The following GALNT18 variants were observed in gnomAD, a reference collection of about 807,000 sequenced individuals.
GALNT18 encodes the protein polypeptide N-acetylgalactosaminyltransferase 18, also known as GalNAc-transferase 18.
GALNT18 carries 44 observed loss-of-function variants against 69.5 expected under a neutral mutation model. That is an observed-to-expected ratio of 0.63 (90% CI 0.50 to 0.81). The LOEUF (loss-of-function observed/expected upper bound fraction) is 0.81. Ranked by LOEUF, GALNT18 falls within the 40% of genes least tolerant of loss-of-function variation. The pLI, the probability that GALNT18 is intolerant of heterozygous loss-of-function variation, is 0.00. For missense variants in GALNT18, 715 were observed against 810.0 expected (o/e 0.88, Z 1.42); for synonymous variants, 364 against 318.2 (o/e 1.14, Z -1.53).
intron 1 of GALNT18, among the ~76,000 whole-genome samples, chr11:11,556,335 C>T (rs1017943168): frequency 5.3e-5 from 8 of 152,138 alleles, no homozygotes; most frequent in South Asian, 2.1e-4. Flanking sequence ...TGCCCTATAC[C>T]GGGCAGCCGT....
At chr11:11,429,712 A>G (rs1453258694) in intron 3 of GALNT18, among the ~76,000 whole-genome samples, 1 of 152,222 alleles carries the variant, frequency 6.6e-6, no homozygotes, top group Non-Finnish European at 1.5e-5. Context: ...AGGGTTCCAG[A>G]ATCTATGACT....
chr11:11,321,362 G>A (rs1411346159), intron 9 of GALNT18, among the ~76,000 whole-genome samples: 1 of 152,194 alleles, frequency 6.6e-6, no homozygotes, highest in Non-Finnish European at 1.5e-5. Context: ...TGACTGTACA[G>A]TGTATACAAA....
At chr11:11,346,339 A>T (rs985946849) in intron 6 of GALNT18, among the ~76,000 whole-genome samples, 3 of 152,206 alleles carry the variant, frequency 2.0e-5, no homozygotes, top group Non-Finnish European at 4.4e-5. Flanking sequence ...GGAATCTGAG[A>T]GTCCTGGGCT....
At chr11:11,491,006 G>T (rs1244187234) in intron 1 of GALNT18, among the ~76,000 whole-genome samples, 1 of 152,204 alleles carries the variant, frequency 6.6e-6, no homozygotes, top group African/African-American at 2.4e-5. Flanking sequence ...CAGAGGCAGG[G>T]TGTGCACTGA....
intron 3 of GALNT18, among the ~76,000 whole-genome samples, chr11:11,390,191 C>G (rs1416462321): frequency 6.6e-6 from 1 of 152,144 alleles, no homozygotes; most frequent in African/African-American, 2.4e-5. Context: ...CTTACAAGGT[C>G]AAACATCCTG....
At chr11:11,391,978 G>C (rs1023584047) in intron 3 of GALNT18, among the ~76,000 whole-genome samples, 1 of 152,196 alleles carries the variant, frequency 6.6e-6, no homozygotes, top group Non-Finnish European at 1.5e-5. Context: ...AATATGCATT[G>C]CAAGAATGAA....
chr11:11,454,470 G>A lies in GALNT18; in HGVS notation c.236-5534C>T, dbSNP rs1855879271. ...ATATAGGGAGAAGGAAGATAAGGAG[G>A]GAGGCAGGGAGAGAAGGAGGCTGTG... is the stretch of plus-strand genomic sequence containing the variant. On this transcript the variant is annotated intron_variant, in intron 1 of 10. Transcript: ENST00000227756. This position sits in a 1 kb window ranked among gnomAD's most constrained non-coding sequence, Gnocchi z 4.2. Among the ~76,000 whole-genome samples, 1 of 152,006 alleles carries A rather than the reference G, an allele frequency of 6.6e-6. No homozygotes were observed.
At chr11:11,273,259 G>C (rs1383400195) in intron 10 of GALNT18, among the ~76,000 whole-genome samples, 1 of 151,350 alleles carries the variant, frequency 6.6e-6, no homozygotes, top group Non-Finnish European at 1.5e-5. Flanking sequence ...AAAGTAAAGA[G>C]ACAGCCCACA....
At chr11:11,394,356 G>C (rs144698210) in intron 3 of GALNT18, among the ~76,000 whole-genome samples, 30 of 152,288 alleles carry the variant, frequency 2.0e-4, no homozygotes, top group Non-Finnish European at 3.2e-4. Context: ...GCTGAGTGTA[G>C]GGATACAAAT....
intron 1 of GALNT18, among the ~76,000 whole-genome samples, chr11:11,594,323 T>TC (rs1381897189): frequency 6.6e-6 from 1 of 152,232 alleles, no homozygotes; most frequent in African/African-American, 2.4e-5. Flanking sequence ...TATACAACTT[T>TC]CATACCATAA....
At chr11:11,272,119 T>C (rs11021741) in intron 10 of GALNT18, among the ~76,000 whole-genome samples, 24,922 of 152,190 alleles carry the variant, frequency 0.16, 2,487 homozygotes, top group South Asian at 0.25. Context: ...ATTGGACCCC[T>C]TGTAGCTTAA....
chr11:11,559,727 A>G (rs1263261807), intron 1 of GALNT18, among the ~76,000 whole-genome samples: 1 of 151,746 alleles, frequency 6.6e-6, no homozygotes, highest in Non-Finnish European at 1.5e-5. Context: ...ATAGGATGGA[A>G]TGGAATGGGG....
rs1048568954 is a variant in GALNT18, at chr11:11,340,113, G to A, written c.1278+706C>T. 1.8e-4 allele frequency among the ~76,000 whole-genome samples: 27 copies of A among 152,194 alleles called. No individual in the cohort carries two copies. The highest frequency in any genetic ancestry group is 1.1e-3 in the Admixed American group (17 of 15,278). ...GTGGCTGGCATCTCTCAGTAGTAGAGCTGGGTTCTCTCAACTCAGTAGTCC... is the reference window on the plus strand; with the variant it reads ...GTGGCTGGCATCTCTCAGTAGTAGAACTGGGTTCTCTCAACTCAGTAGTCC... On this transcript the variant is annotated intron_variant, in intron 7 of 10. Transcript: ENST00000227756. The surrounding 1 kb of genome is among the most constrained non-coding windows in gnomAD (Gnocchi z 4.2).
At chr11:11,290,027 G>A (rs540689250) in intron 10 of GALNT18, among the ~76,000 whole-genome samples, 1 of 152,294 alleles carries the variant, frequency 6.6e-6, no homozygotes, top group South Asian at 2.1e-4. Context: ...CAAGTGCCTG[G>A]CTGGGCTGTG....
chr11:11,530,464 C>T (rs375713145), intron 1 of GALNT18, among the ~76,000 whole-genome samples: 3 of 152,206 alleles, frequency 2.0e-5, no homozygotes, highest in African/African-American at 7.2e-5. Flanking sequence ...GCTCAAAATG[C>T]CAGTGGGCAG....
At chr11:11,524,846 C>T (rs558054695) in intron 1 of GALNT18, among the ~76,000 whole-genome samples, 14 of 152,332 alleles carry the variant, frequency 9.2e-5, no homozygotes, top group East Asian at 7.7e-4. Context: ...TCTGCCTTCA[C>T]GACATTTGTC....
intron 1 of GALNT18, among the ~76,000 whole-genome samples, chr11:11,572,375 T>A (rs72853813): frequency 6.6e-6 from 1 of 152,218 alleles, no homozygotes; most frequent in African/African-American, 2.4e-5. Flanking sequence ...CAGCACCAGA[T>A]GAAGCACTTT....
intron 2 of GALNT18, 144 bp downstream of exon 2, chr11:11,448,600 C>T (rs896596957): frequency 4.1e-5 from 24 of 581,352 alleles, no homozygotes; most frequent in Admixed American, 1.9e-4. Context: ...ACTTGCTGAA[C>T]GCAAGCCGAG....
chr11:11,372,675 C>T lies in GALNT18; in HGVS notation c.978-46G>A, dbSNP rs548048098. 35 of 1,493,238 alleles carry T rather than the reference C, an allele frequency of 2.3e-5. No individual in the cohort carries two copies. Among genetic ancestry groups the T allele is most frequent in the South Asian group, 7.9e-5 (7 of 88,102 alleles). 92.5% of individuals were successfully genotyped at this position (1,493,238 alleles called of 1,614,324 possible). On this transcript the variant is annotated intron_variant, in intron 5 of 10. Coordinates refer to ENST00000227756, the MANE Select transcript of GALNT18 (RefSeq NM_198516.3). The surrounding 1 kb of genome is among the most constrained non-coding windows in gnomAD (Gnocchi z 4.9). The stretch of plus-strand genomic sequence containing the variant: ...AGAAGGGCTGTCTGGTGCAGCTGTC[C>T]GAGGAGTAAGAGCAGTAAGGCCTTC...
Sources: gnomAD v4.1 joint callset for allele counts (sites outside exome capture counted in the v4.1 genomes callset) on GRCh38, gnomAD v4.1.1 for gene constraint, Gnocchi (gnomAD v3.1) non-coding constraint, MANE v1.5 for transcripts, NCBI Gene and HGNC (gene_info 2026-07-23, HGNC 2026-07-21) for gene names.